DGKB: variants seen among roughly 807,000 people sequenced by gnomAD.
DGKB encodes the protein 90 kDa diacylglycerol kinase.
A neutral mutation model predicts 114.3 loss-of-function variants in DGKB; 67 were observed. That is an observed-to-expected ratio of 0.59 (90% CI 0.48 to 0.72). The LOEUF (loss-of-function observed/expected upper bound fraction) is 0.72. DGKB is among the 30% of genes least tolerant of loss of function. The pLI, the probability that DGKB is intolerant of heterozygous loss-of-function variation, is 0.00. For missense variants in DGKB, 907 were observed against 975.2 expected (o/e 0.93, Z 0.93); for synonymous variants, 398 against 323.1 (o/e 1.23, Z -2.49).
intron 23 of DGKB, among the ~76,000 whole-genome samples, chr7:14,274,129 G>C (rs1271689726): frequency 6.6e-6 from 1 of 152,140 alleles, no homozygotes; most frequent in Non-Finnish European, 1.5e-5. Context: ...ACAGTAGCAG[G>C]TGATTGCCAG....
At chr7:14,377,221 G>C (rs1471189774) in intron 21 of DGKB, among the ~76,000 whole-genome samples, 1 of 152,014 alleles carries the variant, frequency 6.6e-6, no homozygotes, top group Non-Finnish European at 1.5e-5. Flanking sequence ...AGCTAAAAGG[G>C]ACAAAAATAG....
At chr7:14,727,772 T>C (rs1215322754) in intron 5 of DGKB, among the ~76,000 whole-genome samples, 1 of 152,170 alleles carries the variant, frequency 6.6e-6, no homozygotes, top group African/African-American at 2.4e-5. Context: ...TGATCAGTTA[T>C]AAAAGACCTG....
At chr7:14,199,641 A>G (rs1029957221) in intron 23 of DGKB, among the ~76,000 whole-genome samples, 3 of 152,070 alleles carry the variant, frequency 2.0e-5, no homozygotes, top group African/African-American at 7.2e-5. Context: ...ATTGTAGAGC[A>G]AAAAGTTCAG....
intron 20 of DGKB, among the ~76,000 whole-genome samples, chr7:14,485,299 A>AGG (rs1783630161): frequency 8.3e-6 from 1 of 120,984 alleles, no homozygotes; most frequent in African/African-American, 3.3e-5. Context: ...AATGCTCATG[A>AGG]GGTGTGTGTG....
At chr7:14,519,450 T>A (rs1016093045) in intron 20 of DGKB, among the ~76,000 whole-genome samples, 1 of 152,128 alleles carries the variant, frequency 6.6e-6, no homozygotes. Context: ...GCAAACTAAA[T>A]TTTACAGGTA....
chr7:14,750,319 C>T, intron 4 of DGKB: 2 of 413,336 alleles, frequency 4.8e-6, no homozygotes, highest in Admixed American at 2.9e-5. Context: ...AATTGGTCTG[C>T]CGTTTGAGAA....
intron 20 of DGKB, among the ~76,000 whole-genome samples, chr7:14,554,630 G>A (rs1584776875): frequency 6.6e-6 from 1 of 152,184 alleles, no homozygotes; most frequent in South Asian, 2.1e-4. Context: ...CAATATGGAT[G>A]TGGTGATTTT....
intron 23 of DGKB, among the ~76,000 whole-genome samples, chr7:14,194,858 A>C (rs994946898): frequency 6.6e-6 from 1 of 150,974 alleles, no homozygotes; most frequent in Admixed American, 7.1e-5. Flanking sequence ...TAAAATAAGG[A>C]AAGACCAGAA....
chr7:14,909,847 G>A (rs547956713), intron 1 of DGKB, among the ~76,000 whole-genome samples: 2 of 152,020 alleles, frequency 1.3e-5, no homozygotes, highest in African/African-American at 4.8e-5. Context: ...AAAATTAAGA[G>A]GGGAAAATTA....
intron 1 of DGKB, among the ~76,000 whole-genome samples, chr7:14,971,248 T>C (rs2115306695): frequency 6.6e-6 from 1 of 152,282 alleles, no homozygotes; most frequent in African/African-American, 2.4e-5. Context: ...GGAGAATTCT[T>C]GGGCTCATGA....
At chr7:14,854,230 A>G (rs148186561) in intron 1 of DGKB, among the ~76,000 whole-genome samples, 1,866 of 152,314 alleles carry the variant, frequency 0.012, 29 homozygotes, top group Admixed American at 0.018. Context: ...TCTGGAGCTT[A>G]ATCTGCCTAA....
chr7:14,362,119 T>C (rs1357066845), intron 21 of DGKB, among the ~76,000 whole-genome samples: 4 of 152,074 alleles, frequency 2.6e-5, no homozygotes, highest in Non-Finnish European at 5.9e-5. Context: ...AATATATTAC[T>C]GTCGTTTTGT....
At chr7:14,561,166 T>C (rs574394538) in intron 20 of DGKB, among the ~76,000 whole-genome samples, 2 of 152,246 alleles carry the variant, frequency 1.3e-5, no homozygotes, top group African/African-American at 4.8e-5. Flanking sequence ...CCTCTTCTCA[T>C]GATAGTGAAT....
At chr7:14,219,251 G>C (rs958127827) in intron 23 of DGKB, among the ~76,000 whole-genome samples, 2 of 151,810 alleles carry the variant, frequency 1.3e-5, no homozygotes, top group African/African-American at 4.8e-5. Context: ...GCTTTCTGTA[G>C]ACATAAGCTT....
intron 23 of DGKB, among the ~76,000 whole-genome samples, chr7:14,229,034 C>A (rs796527325): frequency 6.6e-6 from 1 of 151,736 alleles, no homozygotes; most frequent in South Asian, 2.1e-4. Flanking sequence ...ATACACAAAA[C>A]CAATGTATAT....
chr7:14,654,073 T>A (rs56292448), intron 13 of DGKB, among the ~76,000 whole-genome samples: 3 of 151,808 alleles, frequency 2.0e-5, no homozygotes, highest in Non-Finnish European at 2.9e-5. Flanking sequence ...GGCATCCAAA[T>A]TGGAAAAGAG....
intron 1 of DGKB, among the ~76,000 whole-genome samples, chr7:14,913,305 C>T (rs1166763371): frequency 2.0e-5 from 3 of 151,862 alleles, no homozygotes; most frequent in Non-Finnish European, 4.4e-5. Flanking sequence ...TACCTTTGCA[C>T]ATGCATACTG....
intron 2 of DGKB, among the ~76,000 whole-genome samples, chr7:14,806,199 A>T (rs897593033): frequency 6.6e-6 from 1 of 152,018 alleles, no homozygotes; most frequent in East Asian, 1.9e-4. Context: ...TGAAGACCTA[A>T]CTTTCACTCA....
intron 1 of DGKB, among the ~76,000 whole-genome samples, chr7:14,876,741 T>C (rs1853351945): frequency 6.6e-6 from 1 of 152,214 alleles, no homozygotes; most frequent in Admixed American, 6.5e-5. Flanking sequence ...TGTCAATCAA[T>C]GACATAGACT....
Sources: allele counts gnomAD v4.1 joint callset (sites outside exome capture counted in the v4.1 genomes callset), GRCh38; gene constraint gnomAD v4.1.1; transcripts MANE v1.5; gene names NCBI Gene and HGNC (gene_info 2026-07-23, HGNC 2026-07-21).